SLC14A2: variants seen among roughly 807,000 people sequenced by gnomAD.
SLC14A2 encodes urea transporter 2.
A neutral mutation model predicts 104.6 loss-of-function variants in SLC14A2; 91 were observed. The ratio of observed to expected loss-of-function variants is 0.87; its 90% CI spans 0.73 to 1.04. The LOEUF (loss-of-function observed/expected upper bound fraction) is 1.04, where lower values mean the gene tolerates loss of function less well. SLC14A2 is among the 50% of genes least tolerant of loss of function. The pLI, the probability that SLC14A2 is intolerant of heterozygous loss-of-function variation, is 0.00. For synonymous variants in SLC14A2, 476 were observed against 466.4 expected (o/e 1.02, Z -0.27); for missense variants, 1,189 against 1,156.0 (o/e 1.03, Z -0.41).
intron 10 of SLC14A2, among the ~76,000 whole-genome samples, chr18:45,657,344 A>C (rs1437461458): frequency 6.6e-6 from 1 of 151,786 alleles, no homozygotes; most frequent in Non-Finnish European, 1.5e-5. Context: ...AAAATTAGCT[A>C]GGAGTGGTGG....
At chr18:45,198,233 T>TG in the SLC14A2 span, among the ~76,000 whole-genome samples, 1 of 152,314 alleles carries the variant, frequency 6.6e-6, no homozygotes, top group East Asian at 1.9e-4. Flanking sequence ...TAATAATACC[T>TG]GGGCTTCTTT....
intron 14 of SLC14A2, 119 bp downstream of exon 14, chr18:45,668,141 A>G: frequency 8.6e-7 from 1 of 1,160,074 alleles, no homozygotes; most frequent in South Asian, 1.5e-5. Context: ...ACTAAAAATG[A>G]CTGTTCCCTG....
chr18:45,568,799 C>T (rs1433923900), intron 2 of SLC14A2, among the ~76,000 whole-genome samples: 2 of 152,100 alleles, frequency 1.3e-5, no homozygotes, highest in Non-Finnish European at 2.9e-5. Flanking sequence ...CTTGAGGGGT[C>T]GTTACTGCAG....
upstream of SLC14A2, among the ~76,000 whole-genome samples, chr18:45,614,192 G>A (rs2045021835): frequency 6.6e-6 from 1 of 152,246 alleles, no homozygotes; most frequent in African/African-American, 2.4e-5. Context: ...ACCCATGGCG[G>A]CTTCCATGTG....
chr18:45,584,567 T>C (rs1449875940), intron 2 of SLC14A2, among the ~76,000 whole-genome samples: 1 of 152,210 alleles, frequency 6.6e-6, no homozygotes, highest in Non-Finnish European at 1.5e-5. Flanking sequence ...TAAATATGAA[T>C]GCACAGTGTT....
chr18:45,646,723 G>A (rs953693443), intron 10 of SLC14A2: 20 of 151,980 alleles, frequency 1.3e-4, no homozygotes, highest in African/African-American at 4.8e-4. Flanking sequence ...CTCCTGGAGT[G>A]ATCTTGTCCC....
At position 45,297,462 on chromosome 18, in the gene SLC14A2, G is replaced by T. The variant is rs140322718; in HGVS notation, c.-125+84271G>T. Among the ~76,000 whole-genome samples, 363 of 152,316 alleles carry T rather than the reference G, an allele frequency of 2.4e-3. 2 individuals are homozygous for T. Among genetic ancestry groups the T allele is most frequent in the African/African-American group, 8.5e-3 (352 of 41,564 alleles). ...GAACTAATGCAGATGAGAGTGTTTGGCTGGTAAAGATGAGTGGGTAGCATG... is the reference window on the plus strand; with the variant it reads ...GAACTAATGCAGATGAGAGTGTTTGTCTGGTAAAGATGAGTGGGTAGCATG... On this transcript the variant is annotated intron_variant, in intron 1 of 20. Coordinates refer to the SLC14A2 transcript ENST00000586448.
the SLC14A2 span, among the ~76,000 whole-genome samples, chr18:45,183,906 A>ATTTTTTTTTTTTTT: frequency 3.3e-4 from 21 of 62,720 alleles, 2 homozygotes; most frequent in Non-Finnish European, 4.1e-4. Context: ...TAATTTTCTA[A>ATTTTTTTTTTTTTT]TTTTTTTTTT....
intron 1 of SLC14A2, among the ~76,000 whole-genome samples, chr18:45,214,281 T>C (rs2083987957): frequency 6.6e-6 from 1 of 152,188 alleles, no homozygotes; most frequent in South Asian, 2.1e-4. Flanking sequence ...TTGGCAACAG[T>C]TGAATGCTCA....
intron 1 of SLC14A2, among the ~76,000 whole-genome samples, chr18:45,466,337 G>A (rs556598544): frequency 2.2e-4 from 34 of 151,764 alleles, no homozygotes; most frequent in Non-Finnish European, 4.3e-4. Flanking sequence ...AAGGAGGCCT[G>A]CACCCAGGAA....
At chr18:45,599,065 C>G (rs2044753066) in intron 2 of SLC14A2, among the ~76,000 whole-genome samples, 1 of 152,130 alleles carries the variant, frequency 6.6e-6, no homozygotes, top group Admixed American at 6.5e-5. Context: ...GTGAAAATGA[C>G]AGAGAGAAAG....
At chr18:45,304,469 C>A (rs1415635764) in intron 1 of SLC14A2, among the ~76,000 whole-genome samples, 1 of 152,190 alleles carries the variant, frequency 6.6e-6, no homozygotes, top group Non-Finnish European at 1.5e-5. Context: ...GGCAAGTCTG[C>A]ACTTAAATAG....
At chr18:45,403,865 G>T (rs192765072) in intron 1 of SLC14A2, among the ~76,000 whole-genome samples, 1 of 152,068 alleles carries the variant, frequency 6.6e-6, no homozygotes, top group Non-Finnish European at 1.5e-5. Context: ...CTCATCACCC[G>T]TAAGATAAAG....
intron 2 of SLC14A2, among the ~76,000 whole-genome samples, chr18:45,539,094 C>T (rs887003814): frequency 1.3e-5 from 2 of 151,164 alleles, no homozygotes; most frequent in African/African-American, 4.9e-5. Context: ...ATAACCACAC[C>T]CAGCACTATA....
intron 1 of SLC14A2, among the ~76,000 whole-genome samples, chr18:45,384,512 A>T (rs1383858645): frequency 6.6e-6 from 1 of 152,096 alleles, no homozygotes; most frequent in African/African-American, 2.4e-5. Context: ...GCTGCAGGGG[A>T]CACCCCTGAG....
At chr18:45,643,040 T>C (rs2045556201) in intron 8 of SLC14A2, 92 bp from the exon 9 acceptor site, 1 of 1,112,052 alleles carries the variant, frequency 9.0e-7, no homozygotes, top group East Asian at 2.4e-5. Flanking sequence ...GTGGGGCTCC[T>C]GTTCTTGGTC....
chr18:45,223,300 A>G (rs1800681974), intron 1 of SLC14A2, among the ~76,000 whole-genome samples: 1 of 152,172 alleles, frequency 6.6e-6, no homozygotes. Flanking sequence ...TCAGGAAGGC[A>G]AACAGCCCAC....
chr18:45,466,449 A>C lies in SLC14A2; in HGVS notation c.-124-16784A>C, dbSNP rs190346930. 3.6e-3 allele frequency among the ~76,000 whole-genome samples: 540 copies of C among 151,806 alleles called. 9 individuals carry two copies. Among genetic ancestry groups the C allele is most frequent in the Admixed American group, 3.9e-3 (60 of 15,258 alleles). ...GAAGAATGTGCTAGCAAAGCTGAGCAGCATGTGAGATTCTTTCTGAATGAG... is the reference window on the plus strand; with the variant it reads ...GAAGAATGTGCTAGCAAAGCTGAGCCGCATGTGAGATTCTTTCTGAATGAG... On this transcript the variant is annotated intron_variant, in intron 1 of 20. Transcript: ENST00000586448.
intron 1 of SLC14A2, among the ~76,000 whole-genome samples, chr18:45,453,866 T>TG (rs1282470747): frequency 2.2e-5 from 3 of 135,970 alleles, no homozygotes; most frequent in Non-Finnish European, 4.7e-5. Context: ...TTTTTTTTTT[T>TG]TTTTTTTTTT....
Sources: allele counts gnomAD v4.1 joint callset (sites outside exome capture counted in the v4.1 genomes callset), GRCh38; gene constraint gnomAD v4.1.1; transcripts MANE v1.5; gene names NCBI Gene and HGNC (gene_info 2026-07-23, HGNC 2026-07-21).